COL27A1: variants seen among roughly 807,000 people sequenced by gnomAD.
COL27A1 encodes the protein collagen type XXVII alpha 1 chain, also known as collagen alpha-1(XXVII) chain.
COL27A1 carries 106 observed loss-of-function variants against 251.3 expected under a neutral mutation model. That is an observed-to-expected ratio of 0.42 (90% CI 0.36 to 0.50). COL27A1 has a LOEUF of 0.50. Ranked by LOEUF, COL27A1 falls within the 20% of genes least tolerant of loss-of-function variation. COL27A1 has a pLI of 0.00. For synonymous variants in COL27A1, 1,000 were observed against 986.3 expected (o/e 1.01, Z -0.26); for missense variants, 2,325 against 2,522.8 (o/e 0.92, Z 1.68).
intron 2 of COL27A1, among the ~76,000 whole-genome samples, chr9:114,163,987 T>G (rs145331992): frequency 6.6e-6 from 1 of 152,240 alleles, no homozygotes; most frequent in African/African-American, 2.4e-5. Flanking sequence ...CCCCCATCTC[T>G]TCACCCTTGA....
chr9:114,287,863 T>A (rs1019012791), intron 41 of COL27A1, among the ~76,000 whole-genome samples: 4 of 152,070 alleles, frequency 2.6e-5, no homozygotes, highest in African/African-American at 9.7e-5. Flanking sequence ...GGTCCCATCA[T>A]CTCTCCGAGC....
chr9:114,171,925 G>C (rs908518576), intron 3 of COL27A1, among the ~76,000 whole-genome samples: 1 of 152,172 alleles, frequency 6.6e-6, no homozygotes, highest in African/African-American at 2.4e-5. Context: ...AGAGATAAAG[G>C]ACCCCGCCAA....
chr9:114,256,634 C>A (rs990955128), intron 27 of COL27A1, among the ~76,000 whole-genome samples: 1 of 152,122 alleles, frequency 6.6e-6, no homozygotes, highest in Non-Finnish European at 1.5e-5. Flanking sequence ...TCCTGCCTTG[C>A]GAGAGCAGGC....
intron 1 of COL27A1, among the ~76,000 whole-genome samples, chr9:114,157,337 C>T (rs1436571027): frequency 1.3e-5 from 2 of 152,216 alleles, no homozygotes; most frequent in Non-Finnish European, 2.9e-5. Flanking sequence ...TGCGCTCTGG[C>T]GCCAGCATAC....
At chr9:114,172,524 G>A (rs117281118) in intron 3 of COL27A1, among the ~76,000 whole-genome samples, 37 of 152,330 alleles carry the variant, frequency 2.4e-4, no homozygotes, top group Non-Finnish European at 4.0e-4. Context: ...CTGTAGTAGA[G>A]GCTGGGCGTG....
intron 49 of COL27A1, among the ~76,000 whole-genome samples, chr9:114,295,301 T>C (rs963712935): frequency 6.6e-6 from 1 of 152,198 alleles, no homozygotes; most frequent in Admixed American, 6.5e-5. Flanking sequence ...AAGACTTAAA[T>C]AAATGGAGAT....
intron 34 of COL27A1, among the ~76,000 whole-genome samples, chr9:114,267,992 T>G (rs1254931665): frequency 6.6e-6 from 1 of 152,302 alleles, no homozygotes; most frequent in East Asian, 1.9e-4. Flanking sequence ...TGGACATTGT[T>G]GAGGCAGGGC....
At chr9:114,231,481 C>T (rs1175997702) in intron 15 of COL27A1, among the ~76,000 whole-genome samples, 1 of 152,144 alleles carries the variant, frequency 6.6e-6, no homozygotes, top group Non-Finnish European at 1.5e-5. Flanking sequence ...GTGGGAAGGG[C>T]GTGCAGCAGG....
chr9:114,221,255 G>A (rs1194008653), intron 13 of COL27A1, among the ~76,000 whole-genome samples: 1 of 152,174 alleles, frequency 6.6e-6, no homozygotes, highest in Admixed American at 6.5e-5. Context: ...GAGGAGATAG[G>A]TGGGGAGACA....
chr9:114,184,161 A>G (rs73656012), intron 5 of COL27A1, among the ~76,000 whole-genome samples: 2,717 of 152,302 alleles, frequency 0.018, 90 homozygotes, highest in African/African-American at 0.062. Flanking sequence ...CTCCCAGCTC[A>G]GCCTGTGTCA....
At chr9:114,245,734 C>T (rs958159339) in intron 23 of COL27A1, 132 bp from the exon 24 acceptor site, 1 of 842,778 alleles carries the variant, frequency 1.2e-6, no homozygotes, top group African/African-American at 1.7e-5. Flanking sequence ...GTCTCCAAGG[C>T]CACACACTGG....
intron 37 of COL27A1, among the ~76,000 whole-genome samples, chr9:114,276,831 A>G (rs1766059): frequency 0.33 from 50,519 of 152,132 alleles, 8,673 homozygotes; most frequent in Non-Finnish European, 0.36. Flanking sequence ...CATAGAAGCC[A>G]GTAGGGAAGG....
intron 20 of COL27A1, 74 bp from the exon 21 acceptor site, chr9:114,240,360 G>A (rs957712319): frequency 5.7e-5 from 91 of 1,589,454 alleles, no homozygotes; most frequent in Middle Eastern, 3.3e-4. Flanking sequence ...TTGGAAGCAG[G>A]GGTTGCCTTG....
At position 114,199,910 on chromosome 9, in the gene COL27A1, T is replaced by C. The variant is rs527765706; in HGVS notation, c.2124+3898T>C. ...ATCTTTCTTACCATACTGCCCCAGA[T>C]AGACATGATGCATGGAACAAAACTG... On this transcript the variant is annotated intron_variant, in intron 7 of 60. Transcript: ENST00000356083. 2.2e-4 allele frequency among the ~76,000 whole-genome samples: 34 copies of C among 152,286 alleles called. 1 individual carries two copies. The South Asian group carries it at 7.1e-3, about 32-fold the overall frequency.
intron 57 of COL27A1, among the ~76,000 whole-genome samples, chr9:114,305,272 A>T (rs911834279): frequency 6.6e-6 from 1 of 152,206 alleles, no homozygotes; most frequent in African/African-American, 2.4e-5. Context: ...ATGGATGGCC[A>T]GTCACAGCCT....
At chr9:114,267,082 C>T (rs971604325) in intron 33 of COL27A1, among the ~76,000 whole-genome samples, 5 of 152,196 alleles carry the variant, frequency 3.3e-5, no homozygotes, top group Non-Finnish European at 4.4e-5. Flanking sequence ...GCCATGCCCA[C>T]GGTGATAACT....
intron 41 of COL27A1, among the ~76,000 whole-genome samples, chr9:114,287,801 C>T (rs529373807): frequency 7.6e-4 from 116 of 152,202 alleles, no homozygotes; most frequent in Non-Finnish European, 1.3e-3. Context: ...TGGTTCCTCC[C>T]AGCAAGGATC....
At chr9:114,187,720 T>C (rs1828472977) in intron 5 of COL27A1, among the ~76,000 whole-genome samples, 1 of 152,248 alleles carries the variant, frequency 6.6e-6, no homozygotes, top group Non-Finnish European at 1.5e-5. Flanking sequence ...TGTTAGCAAC[T>C]TGGCATCCAT....
rs375808430 is a variant in COL27A1, at chr9:114,252,580, G to A, written c.3034-13G>A. The stretch of plus-strand genomic sequence containing the variant: ...ATAGCCGTGACCTGCCTGCATTGCT[G>A]TCTCCATCACAGGGTGATCGTGGCA... On this transcript the variant is annotated splice_polypyrimidine_tract_variant and intron_variant, in intron 25 of 60. Transcript: ENST00000356083. 1.9e-6 allele frequency: 3 copies of A among 1,613,616 alleles called. No individual in the cohort carries two copies. Among genetic ancestry groups the A allele is most frequent in the Non-Finnish European group, 2.5e-6 (3 of 1,179,866 alleles).
Sources: allele counts gnomAD v4.1 joint callset (sites outside exome capture counted in the v4.1 genomes callset), GRCh38; gene constraint gnomAD v4.1.1; transcripts MANE v1.5; gene names NCBI Gene and HGNC (gene_info 2026-07-23, HGNC 2026-07-21).